Variants in GLI3 observed in about 807,000 individuals in gnomAD.
GLI3 encodes GLI family zinc finger 3, also known as transcription activator GLI3.
Under a neutral mutation model 100.8 loss-of-function variants are expected in GLI3, and 20 were observed. That is an observed-to-expected ratio of 0.20 (90% CI 0.14 to 0.29). The LOEUF is 0.29. Ranked by LOEUF, GLI3 falls within the 10% of genes least tolerant of loss-of-function variation. The pLI is 1.00. For missense variants in GLI3, 2,040 were observed against 2,128.5 expected, an observed-to-expected ratio of 0.96 and a Z score of 0.82; for synonymous variants, 938 against 860.5, an observed-to-expected ratio of 1.09 and a Z score of -1.58.
chr7:42,102,233 T>C (rs1441439223), intron 3 of GLI3, among the ~76,000 whole-genome samples: 1 of 152,184 alleles, frequency 6.6e-6, no homozygotes, highest in Non-Finnish European at 1.5e-5. Context: ...ATGGTATTTC[T>C]AGTTCTAGAT....
intron 3 of GLI3, among the ~76,000 whole-genome samples, chr7:42,142,016 C>T (rs1786580575): frequency 6.6e-6 from 1 of 152,082 alleles, no homozygotes; most frequent in Non-Finnish European, 1.5e-5. Context: ...AGTACTGCCT[C>T]GGACTAATCA....
intron 10 of GLI3, among the ~76,000 whole-genome samples, chr7:42,020,393 C>T (rs577871533): frequency 3.3e-5 from 5 of 152,288 alleles, no homozygotes; most frequent in South Asian, 2.1e-4. Context: ...CAATTGCAGC[C>T]AGCACCCTAT....
intron 6 of GLI3, among the ~76,000 whole-genome samples, chr7:42,041,948 A>T (rs1784147596): frequency 6.6e-6 from 1 of 152,050 alleles, no homozygotes; most frequent in Non-Finnish European, 1.5e-5. Flanking sequence ...TCCTTCATTT[A>T]GAATAGTTTC....
At chr7:42,054,790 T>G (rs949227916) in intron 4 of GLI3, among the ~76,000 whole-genome samples, 7 of 151,810 alleles carry the variant, frequency 4.6e-5, no homozygotes, top group African/African-American at 1.7e-4. Flanking sequence ...TCAAGATCAA[T>G]CTGAGCAACA....
chr7:42,231,657 A>G (rs1477844996), intron 1 of GLI3, among the ~76,000 whole-genome samples: 1 of 152,178 alleles, frequency 6.6e-6, no homozygotes, highest in African/African-American at 2.4e-5. Flanking sequence ...TAAGGCTTCA[A>G]TCTTAAGCTG....
chr7:42,164,687 G>T (rs1048773693), intron 2 of GLI3, among the ~76,000 whole-genome samples: 1 of 151,796 alleles, frequency 6.6e-6, no homozygotes, highest in Non-Finnish European at 1.5e-5. Flanking sequence ...ACAATTAGCC[G>T]GGCGTGGTGG....
At chr7:42,111,993 A>C (rs1054755258) in intron 3 of GLI3, among the ~76,000 whole-genome samples, 5 of 152,200 alleles carry the variant, frequency 3.3e-5, no homozygotes, top group African/African-American at 1.2e-4. Context: ...AAGAAGAGGA[A>C]TAATAGAAAA....
At position 42,083,680 on chromosome 7, in the gene GLI3, T is replaced by A. The variant is rs548854042; in HGVS notation, c.368-6823A>T. On this transcript the variant is annotated intron_variant, in intron 3 of 14. Coordinates refer to ENST00000395925, the MANE Select transcript of GLI3 (RefSeq NM_000168.6). ...AATTATTACATTTCAGAAAAAAAAATATCAATTTTTTATTTATTGTGTTGT... is the reference window on the plus strand; with the variant it reads ...AATTATTACATTTCAGAAAAAAAAAAATCAATTTTTTATTTATTGTGTTGT... 4.6e-5 allele frequency among the ~76,000 whole-genome samples: 7 copies of A among 152,212 alleles called. No homozygotes were observed. In the East Asian group the frequency reaches 1.2e-3, roughly 25 times the overall value.
At chr7:42,102,130 A>G (rs997620769) in intron 3 of GLI3, among the ~76,000 whole-genome samples, 1 of 151,986 alleles carries the variant, frequency 6.6e-6, no homozygotes, top group African/African-American at 2.4e-5. Flanking sequence ...ATTGTGAATA[A>G]TGCCGCTGTA....
At chr7:42,220,064 G>A (rs552294826) in intron 2 of GLI3, among the ~76,000 whole-genome samples, 20 of 152,050 alleles carry the variant, frequency 1.3e-4, no homozygotes, top group Non-Finnish European at 2.9e-4. Flanking sequence ...GCGTTAGCCA[G>A]GATGGTCTCG....
intron 10 of GLI3, among the ~76,000 whole-genome samples, chr7:41,999,881 A>G (rs1416723945): frequency 2.0e-5 from 3 of 152,274 alleles, no homozygotes; most frequent in Admixed American, 1.3e-4. Context: ...GAGCACCTGC[A>G]GCAGCCTCAT....
chr7:42,129,896 A>C (rs1232779040), intron 3 of GLI3, among the ~76,000 whole-genome samples: 1 of 152,216 alleles, frequency 6.6e-6, no homozygotes, highest in Non-Finnish European at 1.5e-5. Flanking sequence ...TCCTGCCCAC[A>C]GCACATGAGC....
intron 2 of GLI3, among the ~76,000 whole-genome samples, chr7:42,219,127 G>A (rs188495515): frequency 6.6e-6 from 1 of 152,268 alleles, no homozygotes; most frequent in Admixed American, 6.5e-5. Flanking sequence ...CACATTAATG[G>A]ACTTGGACAT....
At chr7:42,159,454 T>C (rs1787081702) in intron 2 of GLI3, among the ~76,000 whole-genome samples, 2 of 152,208 alleles carry the variant, frequency 1.3e-5, no homozygotes, top group South Asian at 4.1e-4. Flanking sequence ...GTCAGAATCA[T>C]ACAACACAGA....
chr7:42,256,315 T>A (rs1311876739), intron 1 of GLI3, among the ~76,000 whole-genome samples: 2 of 152,072 alleles, frequency 1.3e-5, no homozygotes, highest in Non-Finnish European at 2.9e-5. Context: ...CTTTTTTTTT[T>A]AATGGATCAT....
At position 42,148,343 on chromosome 7, in the gene GLI3, A is replaced by G. The variant is rs2128786883; in HGVS notation, c.250T>C (p.Ser84Pro). 1.2e-6 allele frequency: 2 copies of G among 1,613,942 alleles called. No individual in the cohort carries two copies. The highest frequency in any genetic ancestry group is 1.3e-5 in the African/African-American group (1 of 75,042). ...EPSTSSDERA[S>P]LIKKEIHGSL... is the part of the protein sequence containing the mutation. ...CCATGGATCTCTTTCTTGATCAATG[A>G]GGCCCTCTCGTCACTCGATGTTGAA... Residue 84 changes from serine (S) to proline (P), a missense_variant, in exon 3 of 15, where the codon TCA becomes CCA. Ser to Pro is a moderately conservative substitution (Grantham distance 74). Transcript: ENST00000395925.
At chr7:42,044,679 T>C (rs918633839) in intron 6 of GLI3, among the ~76,000 whole-genome samples, 2 of 152,202 alleles carry the variant, frequency 1.3e-5, no homozygotes, top group African/African-American at 4.8e-5. Flanking sequence ...CAAACTGTCT[T>C]AGTGGAATAC....
At chr7:42,104,064 T>G (rs1483901308) in intron 3 of GLI3, among the ~76,000 whole-genome samples, 2 of 152,160 alleles carry the variant, frequency 1.3e-5, no homozygotes, top group African/African-American at 4.8e-5. Context: ...TGTGCTTTGT[T>G]TGGTGCCCTG....
At chr7:42,043,483 A>T (rs1480497606) in intron 6 of GLI3, among the ~76,000 whole-genome samples, 2 of 152,200 alleles carry the variant, frequency 1.3e-5, no homozygotes, top group Non-Finnish European at 2.9e-5. Flanking sequence ...TGATCATACC[A>T]CTTCCTTCTT....
Sources: allele counts gnomAD v4.1 joint callset (sites outside exome capture counted in the v4.1 genomes callset), GRCh38; gene constraint gnomAD v4.1.1; transcripts MANE v1.5; gene names NCBI Gene and HGNC (gene_info 2026-07-23, HGNC 2026-07-21).